DLGAP2: variants seen among roughly 807,000 people sequenced by gnomAD.
DLGAP2 encodes the protein DLG associated protein 2.
Under a neutral mutation model 100.3 loss-of-function variants are expected in DLGAP2, and 26 were observed. That is an observed-to-expected ratio of 0.26 (90% CI 0.19 to 0.36). The LOEUF (loss-of-function observed/expected upper bound fraction) is 0.36. Among genes scored for constraint, DLGAP2 ranks in the 10% least tolerant of loss-of-function variants. The pLI is 1.00. For missense variants in DLGAP2, 1,858 were observed against 1,453.2 expected (o/e 1.28, Z -4.53); for synonymous variants, 886 against 630.1 (o/e 1.41, Z -6.08).
intron 2 of DLGAP2, among the ~76,000 whole-genome samples, chr8:953,724 A>G (rs1016297035): frequency 6.6e-6 from 1 of 152,040 alleles, no homozygotes; most frequent in African/African-American, 2.4e-5. Flanking sequence ...TCACAGTGAA[A>G]TTGAGAAAGA....
Position 1,569,043 on chromosome 8 carries a change from A to G in DLGAP2, c.1442+3149A>G, listed in dbSNP as rs1405834764. Reference sequence around the variant, plus strand: ...GCAGACACAAATCCACTCTGCCTGCAGCCCCCATGCCACTGCCCACTCAGC... The same window carrying G: ...GCAGACACAAATCCACTCTGCCTGCGGCCCCCATGCCACTGCCCACTCAGC... On this transcript the variant is annotated intron_variant, in intron 6 of 14. Coordinates refer to ENST00000637795, the MANE Select transcript of DLGAP2 (RefSeq NM_001346810.2). 2.7e-4 allele frequency among the ~76,000 whole-genome samples: 27 copies of G among 99,314 alleles called. No homozygotes were observed. The East Asian group carries it at 3.4e-3, about 13-fold the overall frequency. 65.2% of individuals were successfully genotyped at this position (99,314 alleles called of 152,430 possible).
chr8:1,575,030 C>T (rs1415089542), intron 6 of DLGAP2, among the ~76,000 whole-genome samples: 3 of 152,102 alleles, frequency 2.0e-5, no homozygotes, highest in Non-Finnish European at 4.4e-5. Context: ...GAGAGGCAAG[C>T]GAGGGAGAAA....
intron 3 of DLGAP2, among the ~76,000 whole-genome samples, chr8:1,383,923 C>A (rs1424034912): frequency 1.3e-5 from 2 of 152,170 alleles, no homozygotes; most frequent in Non-Finnish European, 2.9e-5. Context: ...CATTTCACTC[C>A]CATTCTCTTC....
intron 3 of DLGAP2, among the ~76,000 whole-genome samples, chr8:1,473,360 A>C (rs1798851830): frequency 6.6e-6 from 1 of 152,220 alleles, no homozygotes; most frequent in Admixed American, 6.5e-5. Context: ...GGATGAGAGG[A>C]ACGGAGAACG....
At chr8:1,302,844 T>C (rs1800391909) in intron 3 of DLGAP2, among the ~76,000 whole-genome samples, 1 of 152,194 alleles carries the variant, frequency 6.6e-6, no homozygotes, top group South Asian at 2.1e-4. Flanking sequence ...GCCGCTGGAG[T>C]CGATTCTTTC....
At chr8:1,088,578 T>G (rs1051986083) in intron 2 of DLGAP2, among the ~76,000 whole-genome samples, 1 of 152,158 alleles carries the variant, frequency 6.6e-6, no homozygotes. Flanking sequence ...GAAATTTAGC[T>G]GTGGCTTCTT....
At chr8:903,870 G>A (rs998803833) in intron 1 of DLGAP2, among the ~76,000 whole-genome samples, 13 of 152,202 alleles carry the variant, frequency 8.5e-5, no homozygotes, top group Non-Finnish European at 1.6e-4. Context: ...AGACTGCCGC[G>A]TTCCACAGGA....
intron 3 of DLGAP2, among the ~76,000 whole-genome samples, chr8:1,441,407 T>G (rs1425994682): frequency 6.6e-6 from 1 of 152,148 alleles, no homozygotes; most frequent in African/African-American, 2.4e-5. Context: ...AAGTAGAACT[T>G]GGCCGGGCAT....
At chr8:1,334,802 T>G (rs1563089688) in intron 3 of DLGAP2, among the ~76,000 whole-genome samples, 1 of 152,038 alleles carries the variant, frequency 6.6e-6, no homozygotes, top group Non-Finnish European at 1.5e-5. Flanking sequence ...GATACATGTG[T>G]TGACACGCTG....
intron 12 of DLGAP2, among the ~76,000 whole-genome samples, chr8:1,687,093 T>G (rs1799135048): frequency 6.6e-6 from 1 of 152,158 alleles, no homozygotes; most frequent in African/African-American, 2.4e-5. Flanking sequence ...GAGCCATAGC[T>G]TAGGCAGACC....
intron 12 of DLGAP2, among the ~76,000 whole-genome samples, chr8:1,680,322 T>C (rs1265592810): frequency 1.3e-5 from 2 of 152,246 alleles, no homozygotes; most frequent in African/African-American, 4.8e-5. Context: ...GGGCATTCAC[T>C]AATCCTAGAA....
intron 3 of DLGAP2, among the ~76,000 whole-genome samples, chr8:1,441,477 C>G (rs1413572679): frequency 6.6e-6 from 1 of 151,938 alleles, no homozygotes; most frequent in African/African-American, 2.4e-5. Flanking sequence ...ATCACAAGGT[C>G]AAGAGATCAA....
chr8:1,277,395 G>T (rs1279618533), intron 3 of DLGAP2, among the ~76,000 whole-genome samples: 1 of 152,114 alleles, frequency 6.6e-6, no homozygotes, highest in Non-Finnish European at 1.5e-5. Flanking sequence ...CAGAAATTAA[G>T]AGAGCACGGA....
chr8:906,217 G>T (rs950151088), intron 1 of DLGAP2, among the ~76,000 whole-genome samples: 1 of 152,242 alleles, frequency 6.6e-6, no homozygotes, highest in African/African-American at 2.4e-5. Flanking sequence ...GACTAGGTCA[G>T]CGTTTCCACT....
chr8:1,390,946 G>A (rs183533383), intron 3 of DLGAP2, among the ~76,000 whole-genome samples: 69 of 152,340 alleles, frequency 4.5e-4, no homozygotes, highest in African/African-American at 1.5e-3. Context: ...AGTCAGCATG[G>A]CAGCACTGAA....
At chr8:1,450,635 T>G (rs1388472144) in intron 3 of DLGAP2, among the ~76,000 whole-genome samples, 1 of 151,496 alleles carries the variant, frequency 6.6e-6, no homozygotes, top group Non-Finnish European at 1.5e-5. Context: ...AAACTTTGTC[T>G]TCCCCCCCAT....
chr8:1,055,693 T>C (rs1341762114), intron 2 of DLGAP2, among the ~76,000 whole-genome samples: 1 of 152,168 alleles, frequency 6.6e-6, no homozygotes, highest in Non-Finnish European at 1.5e-5. Flanking sequence ...ACAAAGCAGG[T>C]TCCAGAGCTG....
chr8:1,501,761 T>C (rs1366451225), intron 4 of DLGAP2, among the ~76,000 whole-genome samples: 2 of 152,010 alleles, frequency 1.3e-5, no homozygotes, highest in African/African-American at 4.8e-5. Context: ...GGAAGCAGGG[T>C]GTTCCCGCAT....
intron 2 of DLGAP2, among the ~76,000 whole-genome samples, chr8:986,879 C>G (rs187326817): frequency 6.6e-6 from 1 of 152,078 alleles, no homozygotes. Flanking sequence ...AGGCTGGTCT[C>G]AAACTCCTGA....
Sources: gnomAD v4.1 joint callset for allele counts (sites outside exome capture counted in the v4.1 genomes callset) on GRCh38, gnomAD v4.1.1 for gene constraint, MANE v1.5 for transcripts, NCBI Gene and HGNC (gene_info 2026-07-23, HGNC 2026-07-21) for gene names.